ATP8B1: variants seen among roughly 807,000 people sequenced by gnomAD.
ATP8B1 encodes ATPase phospholipid transporting 8B1, also known as phospholipid-transporting ATPase IC.
A neutral mutation model predicts 149.9 loss-of-function variants in ATP8B1; 80 were observed. The observed-to-expected ratio is 0.53, with a 90% confidence interval of 0.45 to 0.64. The LOEUF (loss-of-function observed/expected upper bound fraction) is 0.64, where lower values mean the gene tolerates loss of function less well. Among genes scored for constraint, ATP8B1 ranks in the 30% least tolerant of loss-of-function variants. The pLI, the probability that ATP8B1 is intolerant of heterozygous loss-of-function variation, is 0.00. For synonymous variants in ATP8B1, 536 were observed against 562.8 expected (o/e 0.95, Z 0.67); for missense variants, 1,247 against 1,552.6 (o/e 0.80, Z 3.31).
chr18:57,738,395 G>A (rs546226154), intron 1 of ATP8B1, among the ~76,000 whole-genome samples: 169 of 152,224 alleles, frequency 1.1e-3, no homozygotes, highest in Non-Finnish European at 2.0e-3. Flanking sequence ...AGACCGAGGC[G>A]GGTGGATCAA....
chr18:57,708,102 G>C (rs1204385816), intron 2 of ATP8B1, among the ~76,000 whole-genome samples: 2 of 145,080 alleles, frequency 1.4e-5, no homozygotes, highest in African/African-American at 5.2e-5. Flanking sequence ...AGGTTGCAGT[G>C]AGCCGAGATA....
intron 1 of ATP8B1, among the ~76,000 whole-genome samples, chr18:57,758,648 CAAAAAAAAAA>C (rs66725093): frequency 9.5e-6 from 1 of 105,274 alleles, no homozygotes; most frequent in African/African-American, 3.5e-5. Context: ...AACTCTGTCT[CAAAAAAAAAA>C]AAAAAAAAAA....
intron 1 of ATP8B1, among the ~76,000 whole-genome samples, chr18:57,773,698 G>A (rs550270093): frequency 3.9e-5 from 6 of 152,144 alleles, no homozygotes; most frequent in East Asian, 3.9e-4. Flanking sequence ...GCTTCCTCAC[G>A]TCAGTAAAAG....
chr18:57,732,233 G>GTATATA (rs1178203736), intron 1 of ATP8B1, among the ~76,000 whole-genome samples: 3 of 11,384 alleles, frequency 2.6e-4, no homozygotes, highest in African/African-American at 6.3e-4. Context: ...ATGTATATAT[G>GTATATA]TGTATATATA....
chr18:57,721,986 C>T (rs2079651464), intron 2 of ATP8B1, among the ~76,000 whole-genome samples: 1 of 132,442 alleles, frequency 7.6e-6, no homozygotes, highest in Non-Finnish European at 1.6e-5. Context: ...ACAACCTGCT[C>T]CTGAATGACT....
intron 1 of ATP8B1, among the ~76,000 whole-genome samples, chr18:57,777,016 G>A (rs923610883): frequency 2.8e-5 from 4 of 145,374 alleles, no homozygotes; most frequent in Non-Finnish European, 6.0e-5. Flanking sequence ...TATCACTGTC[G>A]CCCAGGCTGG....
At chr18:57,777,633 A>C (rs2080316683) in intron 1 of ATP8B1, among the ~76,000 whole-genome samples, 1 of 151,888 alleles carries the variant, frequency 6.6e-6, no homozygotes, top group South Asian at 2.1e-4. Flanking sequence ...CACCGGTGGG[A>C]TCTCGGCTCA....
intron 17 of ATP8B1, among the ~76,000 whole-genome samples, chr18:57,670,350 T>A (rs1432488847): frequency 6.9e-6 from 1 of 145,600 alleles, no homozygotes; most frequent in Non-Finnish European, 1.5e-5. Context: ...TTTCTTTTTC[T>A]TTTTCTTTTT....
chr18:57,679,862 A>G (rs1417590541), intron 15 of ATP8B1, among the ~76,000 whole-genome samples: 2 of 152,038 alleles, frequency 1.3e-5, no homozygotes, highest in Admixed American at 1.3e-4. Context: ...GTGGGGTTTC[A>G]CAATATTGGT....
chr18:57,748,651 T>C (rs2079988494), intron 1 of ATP8B1, among the ~76,000 whole-genome samples: 1 of 152,222 alleles, frequency 6.6e-6, no homozygotes, highest in Admixed American at 6.5e-5. Context: ...TGTTACTTAA[T>C]GTCTTTAAAT....
chr18:57,760,498 A>G (rs12606671), intron 1 of ATP8B1, among the ~76,000 whole-genome samples: 9,613 of 152,090 alleles, frequency 0.063, 628 homozygotes, highest in East Asian at 0.26. Flanking sequence ...CAAACTGAAC[A>G]TGGTTTGTTT....
chr18:57,666,477 A>T (rs1237362264), intron 20 of ATP8B1, among the ~76,000 whole-genome samples: 1 of 151,626 alleles, frequency 6.6e-6, no homozygotes, highest in Non-Finnish European at 1.5e-5. Flanking sequence ...TATAATTCAT[A>T]TTAATTTGCT....
chr18:57,693,292 A>G (rs319445), intron 11 of ATP8B1, among the ~76,000 whole-genome samples: 111,832 of 152,096 alleles, frequency 0.74, 44,099 homozygotes, highest in Admixed American at 0.87. Context: ...GGCAGAAAAG[A>G]GCAAACATAG....
rs1913292547 is a variant in ATP8B1 at position 57,704,592 on chromosome 18, G to A, written c.356C>T (p.Ala119Val). The A allele has an allele frequency of 6.2e-7, 1 of 1,609,550 alleles. No homozygotes were observed. Among genetic ancestry groups the A allele is most frequent in the Non-Finnish European group, 8.5e-7 (1 of 1,175,998 alleles). Residue 119 changes from alanine to valine, a missense_variant, in exon 4 of 28, where the codon GCA (alanine) becomes GTA (valine). Ala to Val is a moderately conservative substitution (Grantham distance 64). Transcript: ENST00000648908. ...AAGAGCCAGGAAATATAAATTGGCT[G>A]CTCTCTTAAACTGCTCAAACAGATT... ...PMNLFEQFKRAANLYFLALLI... is the reference protein window; with the variant it reads ...PMNLFEQFKRVANLYFLALLI...
chr18:57,768,454 A>G (rs2080236731), intron 1 of ATP8B1, among the ~76,000 whole-genome samples: 1 of 151,574 alleles, frequency 6.6e-6, no homozygotes, highest in Admixed American at 6.6e-5. Flanking sequence ...TAAGCTACTA[A>G]GAAGAATCCT....
intron 2 of ATP8B1, among the ~76,000 whole-genome samples, chr18:57,725,095 CTG>C (rs1776203655): frequency 1.0e-5 from 1 of 97,582 alleles, no homozygotes; most frequent in Non-Finnish European, 2.0e-5. Flanking sequence ...ACTCTGGGGA[CTG>C]TGGTGGGGTG....
chr18:57,796,627 C>G (rs1446054893), intron 1 of ATP8B1, among the ~76,000 whole-genome samples: 4 of 152,180 alleles, frequency 2.6e-5, no homozygotes, highest in African/African-American at 9.7e-5. Context: ...TACCCATCTC[C>G]CCAAGTGAGT....
At chr18:57,765,330 G>A (rs994397194) in intron 1 of ATP8B1, among the ~76,000 whole-genome samples, 2 of 152,166 alleles carry the variant, frequency 1.3e-5, no homozygotes, top group African/African-American at 4.8e-5. Flanking sequence ...GGCGGTGATG[G>A]CTGCACAACC....
chr18:57,788,952 C>T (rs1441128592), intron 1 of ATP8B1, among the ~76,000 whole-genome samples: 1 of 152,172 alleles, frequency 6.6e-6, no homozygotes, highest in Non-Finnish European at 1.5e-5. Context: ...CCTCCTTCCA[C>T]TCCCACCCCC....
Sources: allele counts gnomAD v4.1 joint callset (sites outside exome capture counted in the v4.1 genomes callset), GRCh38; gene constraint gnomAD v4.1.1; transcripts MANE v1.5; gene names NCBI Gene and HGNC (gene_info 2026-07-23, HGNC 2026-07-21).